Variants in FBXW9 observed in about 807,000 individuals in gnomAD.
FBXW9 encodes the protein F-box/WD repeat-containing protein 9.
In FBXW9, 38 loss-of-function variants were observed where a neutral mutation model predicts 55.8. That is an observed-to-expected ratio of 0.68 (90% CI 0.53 to 0.89). The LOEUF is 0.89. FBXW9 is among the 40% of genes least tolerant of loss of function. The probability of loss-of-function intolerance (pLI) is 0.00; values close to 1 mark genes in which losing one functional copy is unlikely to be tolerated. For synonymous variants in FBXW9, 289 were observed against 278.2 expected, an observed-to-expected ratio of 1.04 and a Z score of -0.38; for missense variants, 590 against 619.4, an observed-to-expected ratio of 0.95 and a Z score of 0.50.
intron 3 of FBXW9, among the ~76,000 whole-genome samples, chr19:12,692,135 T>C (rs540308907): frequency 1.3e-5 from 2 of 151,918 alleles, no homozygotes; most frequent in East Asian, 1.9e-4. Flanking sequence ...TCATGGCTTA[T>C]TGCAGCCTCC....
At chr19:12,691,493 C>G (rs1264591408) in intron 3 of FBXW9, 39 bp from the exon 4 acceptor site, 2 of 1,490,776 alleles carry the variant, frequency 1.3e-6, no homozygotes, top group Admixed American at 2.0e-5. Flanking sequence ...CTGCCACAGC[C>G]CATGGGGGTC....
intron 3 of FBXW9, among the ~76,000 whole-genome samples, chr19:12,692,660 T>C (rs1248292299): frequency 6.6e-6 from 1 of 152,098 alleles, no homozygotes; most frequent in East Asian, 1.9e-4. Flanking sequence ...TCGCTGGGAC[T>C]ACAGGTGCCC....
chr19:12,693,573 C>T (rs1471610993), intron 3 of FBXW9, among the ~76,000 whole-genome samples: 140 of 70,756 alleles, frequency 2.0e-3, no homozygotes, highest in Non-Finnish European at 1.9e-3. Flanking sequence ...CACACACACA[C>T]ACACACACAC....
At chr19:12,692,591 G>A (rs897379279) in intron 3 of FBXW9, among the ~76,000 whole-genome samples, 8 of 150,564 alleles carry the variant, frequency 5.3e-5, no homozygotes, top group African/African-American at 9.9e-5. Context: ...GCATGATCTC[G>A]GCTCACTGCA....
At chr19:12,693,603 C>T in intron 3 of FBXW9, among the ~76,000 whole-genome samples, 1 of 72,888 alleles carries the variant, frequency 1.4e-5, no homozygotes, top group African/African-American at 5.9e-5. Flanking sequence ...CACACACACA[C>T]ACACAAAAGA....
rs770387266 is a variant in FBXW9 at position 12,694,683 on chromosome 19, C to G, written c.589G>C (p.Val197Leu). The G allele has an allele frequency of 1.2e-6, 2 of 1,614,216 alleles. No homozygotes were observed. The highest frequency in any genetic ancestry group is 1.7e-6 in the Non-Finnish European group (2 of 1,180,042). Residue 197 changes from valine to leucine, a missense_variant, in exon 3 of 10, where the codon GTC becomes CTC. By Grantham distance (32) the Val-to-Leu change is conservative. Transcript: ENST00000393261. ...AGCTGCCGCAGGTCCCACAAGTTGA[C>G]GTTGCGATCTCGGGAGCCCGACAGA... ...LCLSGSRDRN[V>L]NLWDLRQLGT...
intron 5 of FBXW9, 79 bp from the exon 6 acceptor site, chr19:12,690,189 T>A (rs1262262168): frequency 6.5e-7 from 1 of 1,527,234 alleles, no homozygotes; most frequent in Non-Finnish European, 8.8e-7. Flanking sequence ...GCATCCCGGG[T>A]CTCCATCCTG....
Position 12,689,954 on chromosome 19 carries a change from G to A in FBXW9, c.1032+8C>T, listed in dbSNP as rs774709580. On this transcript the variant is annotated splice_region_variant and intron_variant, in intron 6 of 9. Coordinates refer to ENST00000393261, the MANE Select transcript of FBXW9 (RefSeq NM_032301.3). This position sits in a 1 kb window ranked among gnomAD's most constrained non-coding sequence, Gnocchi z 5.9. ...CCCCATCCCTCCAGGCCCCTGGGGA[G>A]GGCCCACCTGCAGACGCTGCAGGAC... 3 of 1,613,684 alleles carry A rather than the reference G, an allele frequency of 1.9e-6. No homozygotes were observed. Among genetic ancestry groups the A allele is most frequent in the Admixed American group, 1.7e-5 (1 of 60,002 alleles).
Position 12,696,203 on chromosome 19 carries a change from G to C in FBXW9, c.379C>G (p.Arg127Gly). ...ACCACTGGGTAGGGCGCGCGTACGCGGCGTAGCGCGCGTAGCCTCCAGGTG... is the reference window on the plus strand; with the variant it reads ...ACCACTGGGTAGGGCGCGCGTACGCCGCGTAGCGCGCGTAGCCTCCAGGTG... ...HVTWRLRALR[R>G]VRAPYPVVEE... The change falls in exon 1 of 10, where the codon CGC becomes GGC. Residue 127 changes from arginine (R) to glycine (G), a missense_variant. Coordinates refer to ENST00000393261, the MANE Select transcript of FBXW9 (RefSeq NM_032301.3). 5 of 1,547,516 alleles carry C rather than the reference G, an allele frequency of 3.2e-6. No individual in the cohort carries two copies. Among genetic ancestry groups the C allele is most frequent in the Non-Finnish European group, 4.4e-6 (5 of 1,148,122 alleles).
rs1241001071 is a variant in FBXW9 at position 12,689,599 on chromosome 19, G to A, written c.1178C>T (p.Thr393Ile). 3.7e-6 allele frequency: 6 copies of A among 1,614,118 alleles called. No individual in the cohort carries two copies. Among genetic ancestry groups the A allele is most frequent in the Non-Finnish European group, 5.1e-6 (6 of 1,179,994 alleles). The change falls in exon 8 of 10, where the codon ACT becomes ATT. Residue 393 changes from threonine (T) to isoleucine (I), a missense_variant. Transcript: ENST00000393261. This position sits in a 1 kb window ranked among gnomAD's most constrained non-coding sequence, Gnocchi z 5.9. The stretch of plus-strand genomic sequence containing the variant: ...GGCTCCCACGGAGTACTGGATCCCA[G>A]TGATGGGAAAGCTGTGGCCCACATC... ...SFDVGHSFPI[T>I]GIQYSVGALY...
chr19:12,690,920 T>C (rs1235172669), intron 5 of FBXW9, among the ~76,000 whole-genome samples: 1 of 152,148 alleles, frequency 6.6e-6, no homozygotes, highest in East Asian at 1.9e-4. Context: ...AAACCGAGGT[T>C]CAAGCTTGTC....
At chr19:12,694,420 C>T (rs957342737) in intron 3 of FBXW9, among the ~76,000 whole-genome samples, 174 bp downstream of exon 3, 5 of 151,886 alleles carry the variant, frequency 3.3e-5, no homozygotes, top group Non-Finnish European at 7.3e-5. Flanking sequence ...ATCCTAATCA[C>T]CCACTGGACA....
rs944527346 is a variant in FBXW9, at chr19:12,692,178, G to A, written c.679-724C>T. On this transcript the variant is annotated intron_variant, in intron 3 of 9. Transcript: ENST00000393261. The stretch of plus-strand genomic sequence containing the variant: ...AGGCTCAAGCAATCCTTGTACCACA[G>A]CTTCCCAAAGAGCTGGGACTACAGG... Among the ~76,000 whole-genome samples, 8 of 151,296 alleles carry A rather than the reference G, an allele frequency of 5.3e-5. No homozygotes were observed. The South Asian group carries it at 1.7e-3, about 31-fold the overall frequency.
rs764567821 is a variant in FBXW9, at chr19:12,689,580, C to T, written c.1197G>A (p.Val399=). 3 of 1,614,082 alleles carry T rather than the reference C, an allele frequency of 1.9e-6. No homozygotes were observed. Among genetic ancestry groups the T allele is most frequent in the Middle Eastern group, 1.7e-4 (1 of 6,060 alleles). The part of the protein sequence containing the change: ...SFPITGIQYS[V]GALYTTSTDK... ...CAGTGGATGTGGTGTACAAGGCTCC[C>T]ACGGAGTACTGGATCCCAGTGATGG... The change falls in exon 8 of 10, where the codon GTG becomes GTA. Residue 399 remains valine, a synonymous_variant. Coordinates refer to ENST00000393261, the MANE Select transcript of FBXW9 (RefSeq NM_032301.3). The surrounding 1 kb of genome is among the most constrained non-coding windows in gnomAD (Gnocchi z 5.9).
intron 3 of FBXW9, among the ~76,000 whole-genome samples, chr19:12,694,246 C>A (rs1568326550): frequency 6.8e-6 from 1 of 146,632 alleles, no homozygotes; most frequent in Non-Finnish European, 1.5e-5. Flanking sequence ...GAGGCTGAGG[C>A]AGGAGAACCG....
In FBXW9 at chr19:12,696,525, G is replaced by GGTCATGGTCTGAC; in HGVS notation, c.56_57insGTCAGACCATGAC (p.Asp19GlufsTer62). 1 of 1,612,708 alleles carries GGTCATGGTCTGAC rather than the reference G, an allele frequency of 6.2e-7. No homozygotes were observed. The highest frequency in any genetic ancestry group is 2.2e-5 in the East Asian group (1 of 44,860). The stretch of plus-strand genomic sequence containing the variant: ...CGTCTGGGTCTGTCTCTGACTCTGG[G>GGTCATGGTCTGAC]TCCGAGTCATCGTCCCAGGTGCGGG... On this transcript the variant is annotated frameshift_variant, in exon 1 of 10. Transcript: ENST00000393261. LOFTEE classifies it high-confidence loss of function.
chr19:12,691,281 C>T (rs1242816846), intron 4 of FBXW9, 24 bp from the exon 5 acceptor site: 34 of 1,613,626 alleles, frequency 2.1e-5, no homozygotes, highest in Non-Finnish European at 2.7e-5. Flanking sequence ...GACCACAGGG[C>T]TTTGGCTGTG....
Position 12,696,629 on chromosome 19 carries a change from C to G in FBXW9, c.-48G>C. On this transcript the variant is annotated 5_prime_UTR_variant, in exon 1 of 10. Transcript: ENST00000393261. Reference sequence around the variant, plus strand: ...GCCTCGCGTCTTGTCTCCTAGGCAGCACGAGGGCACTTCCGGCGCTGTCTG... The same window carrying G: ...GCCTCGCGTCTTGTCTCCTAGGCAGGACGAGGGCACTTCCGGCGCTGTCTG... 1 of 1,578,590 alleles carries G rather than the reference C, an allele frequency of 6.3e-7. No homozygotes were observed. Among genetic ancestry groups the G allele is most frequent in the Non-Finnish European group, 8.5e-7 (1 of 1,171,992 alleles).
Position 12,691,211 on chromosome 19 carries a change from C to T in FBXW9, c.838G>A (p.Val280Met). Residue 280 changes from valine to methionine, a missense_variant, in exon 5 of 10, where the codon GTG (valine) becomes ATG (methionine). Transcript: ENST00000393261. Reference protein sequence around the residue: ...LCLSYLPDILVTGTYDKKVTI... With the variant: ...LCLSYLPDILMTGTYDKKVTI... ...ACCTTCTTGTCATAGGTGCCAGTCACCAGGATGTCAGGCAGGTAGGAGAGG... is the reference window on the plus strand; with the variant it reads ...ACCTTCTTGTCATAGGTGCCAGTCATCAGGATGTCAGGCAGGTAGGAGAGG... 1 of 1,614,220 alleles carries T rather than the reference C, an allele frequency of 6.2e-7. No individual in the cohort carries two copies. The highest frequency in any genetic ancestry group is 8.5e-7 in the Non-Finnish European group (1 of 1,180,032).
Sources: allele counts gnomAD v4.1 joint callset (sites outside exome capture counted in the v4.1 genomes callset), GRCh38; gene constraint gnomAD v4.1.1; non-coding constraint Gnocchi (gnomAD v3.1); transcripts MANE v1.5; gene names NCBI Gene and HGNC (gene_info 2026-07-23, HGNC 2026-07-21).